LAIR2: variants seen among roughly 807,000 people sequenced by gnomAD.
LAIR2 encodes the protein leukocyte-associated immunoglobulin-like receptor 2.
LAIR2 carries 14 observed loss-of-function variants against 14.8 expected under a neutral mutation model. The observed-to-expected ratio is 0.95, with a 90% CI of 0.62 to 1.48. The LOEUF is 1.48. Ranked by LOEUF, LAIR2 falls within the 40% of genes most tolerant of loss-of-function variation. The pLI, the probability that LAIR2 is intolerant of heterozygous loss-of-function variation, is 0.00. For missense variants in LAIR2, 172 were observed against 180.9 expected, an observed-to-expected ratio of 0.95 and a Z score of 0.28; for synonymous variants, 75 against 74.5, an observed-to-expected ratio of 1.01 and a Z score of -0.03.
Position 54,502,862 on chromosome 19 carries a change from C to T in LAIR2, c.-57C>T. The T allele has an allele frequency of 6.2e-7, 1 of 1,611,540 alleles. No homozygotes were observed. The highest frequency in any genetic ancestry group is 1.7e-5 in the Admixed American group (1 of 60,010). On this transcript the variant is annotated 5_prime_UTR_variant, in exon 1 of 5. Coordinates refer to ENST00000301202, the MANE Select transcript of LAIR2 (RefSeq NM_002288.6). ...TGTGGAAGCCCCACGGGCAGGAGGC[C>T]CCCGGCCAGCACATCCTGTCTGCTT...
At chr19:54,510,295 A>C (rs1226011276) in intron 4 of LAIR2, among the ~76,000 whole-genome samples, 4 of 150,232 alleles carry the variant, frequency 2.7e-5, no homozygotes, top group Admixed American at 2.0e-4. Flanking sequence ...TTCATGGTTC[A>C]AATCCCGGTG....
At chr19:54,506,724 G>A (rs906257001) in intron 2 of LAIR2, among the ~76,000 whole-genome samples, 17 of 152,310 alleles carry the variant, frequency 1.1e-4, no homozygotes, top group Admixed American at 2.6e-4. Flanking sequence ...CATGAAAAGC[G>A]TCTTTAAACA....
intron 3 of LAIR2, 24 bp downstream of exon 3, chr19:54,508,208 C>A (rs367564155): frequency 3.1e-6 from 5 of 1,595,514 alleles, no homozygotes; most frequent in Non-Finnish European, 4.3e-6. Context: ...CTGGGCCCTG[C>A]CCCAGTCTCA....
intron 2 of LAIR2, among the ~76,000 whole-genome samples, chr19:54,507,097 G>A (rs1372328500): frequency 1.3e-5 from 2 of 150,990 alleles, no homozygotes; most frequent in South Asian, 2.1e-4. Context: ...GTGAATTGAA[G>A]CCCTGCCAGC....
Position 54,502,865 on chromosome 19 carries a change from C to A in LAIR2, c.-54C>A. 1.2e-6 allele frequency: 2 copies of A among 1,611,858 alleles called. No homozygotes were observed. The highest frequency in any genetic ancestry group is 1.1e-5 in the South Asian group (1 of 91,026). Reference sequence around the variant, plus strand: ...GGAAGCCCCACGGGCAGGAGGCCCCCGGCCAGCACATCCTGTCTGCTTGTG... The same window carrying A: ...GGAAGCCCCACGGGCAGGAGGCCCCAGGCCAGCACATCCTGTCTGCTTGTG... On this transcript the variant is annotated 5_prime_UTR_variant, in exon 1 of 5. Coordinates refer to ENST00000301202, the MANE Select transcript of LAIR2 (RefSeq NM_002288.6).
At chr19:54,503,615 C>T in intron 1 of LAIR2, 85 bp from the exon 2 acceptor site, 1 of 1,567,784 alleles carries the variant, frequency 6.4e-7, no homozygotes. Flanking sequence ...TGAATGCCCC[C>T]CAGCTCCGTC....
At chr19:54,508,433 G>C (rs1397296513) in intron 3 of LAIR2, among the ~76,000 whole-genome samples, 1 of 152,222 alleles carries the variant, frequency 6.6e-6, no homozygotes, top group Non-Finnish European at 1.5e-5. Context: ...CCCAGCATTG[G>C]GTTGGCTCAG....
intron 2 of LAIR2, among the ~76,000 whole-genome samples, chr19:54,504,166 A>G (rs2085324270): frequency 6.7e-6 from 1 of 149,768 alleles, no homozygotes; most frequent in Non-Finnish European, 1.5e-5. Flanking sequence ...GGGTTTCACC[A>G]TATTGGCCAG....
In LAIR2 at chr19:54,504,168, A is replaced by T. The variant is rs2085324320; in HGVS notation, c.70+433A>T. Among the ~76,000 whole-genome samples the T allele has an allele frequency of 2.0e-5, 3 of 149,096 alleles. No homozygotes were observed. The South Asian group carries it at 6.4e-4, about 32-fold the overall frequency. ...TTTAGAAGAGATGGGGTTTCACCAT[A>T]TTGGCCAGGCTGGTCTCGAACTCCT... is the stretch of plus-strand genomic sequence containing the variant. On this transcript the variant is annotated intron_variant, in intron 2 of 4. Coordinates refer to ENST00000301202, the MANE Select transcript of LAIR2 (RefSeq NM_002288.6).
At chr19:54,509,290 T>C (rs1358774740) in intron 4 of LAIR2, among the ~76,000 whole-genome samples, 3 of 147,894 alleles carry the variant, frequency 2.0e-5, no homozygotes, top group Non-Finnish European at 4.5e-5. Context: ...CCTTGTTCCA[T>C]GCCAGGAACT....
At chr19:54,503,079 C>T in intron 1 of LAIR2, 127 bp downstream of exon 1, 1 of 868,342 alleles carries the variant, frequency 1.2e-6, no homozygotes, top group Non-Finnish European at 1.8e-6. Flanking sequence ...CCAAGACTGC[C>T]CTACTGCTCT....
intron 2 of LAIR2, 120 bp from the exon 3 acceptor site, chr19:54,507,771 G>C: frequency 1.1e-6 from 1 of 937,436 alleles, no homozygotes; most frequent in South Asian, 1.5e-5. Flanking sequence ...TTGGGCTGTG[G>C]TCGTGGCTGC....
At position 54,502,956 on chromosome 19, in the gene LAIR2, A is replaced by T. The variant is rs73070113; in HGVS notation, c.34+4A>T. 0.12 allele frequency: 189,593 copies of T among 1,611,668 alleles called. 12,320 individuals carry two copies. Among genetic ancestry groups the T allele is most frequent in the Non-Finnish European group, 0.13 (158,256 of 1,178,642 alleles). On this transcript the variant is annotated splice_donor_region_variant and intron_variant, in intron 1 of 4. Coordinates refer to ENST00000301202, the MANE Select transcript of LAIR2 (RefSeq NM_002288.6). ...CTCACTGCTCTCCTGGGCCTAGGTGAGTCCTGGAGGGAGCGGGAAGGACTG... is the reference window on the plus strand; with the variant it reads ...CTCACTGCTCTCCTGGGCCTAGGTGTGTCCTGGAGGGAGCGGGAAGGACTG...
At chr19:54,503,778 C>A (rs1204198134) in intron 2 of LAIR2, 43 bp downstream of exon 2, 7 of 1,613,792 alleles carry the variant, frequency 4.3e-6, no homozygotes, top group Admixed American at 1.7e-5. Context: ...CCCTCTGTCA[C>A]CCCAAAGGCA....
At chr19:54,506,749 T>A (rs1178887771) in intron 2 of LAIR2, among the ~76,000 whole-genome samples, 5 of 152,160 alleles carry the variant, frequency 3.3e-5, no homozygotes, top group Admixed American at 6.5e-5. Context: ...GATAAGTAAC[T>A]GAGATATGGT....
chr19:54,502,986 G>T lies in LAIR2; in HGVS notation c.34+34G>T, dbSNP rs189146068. The T allele has an allele frequency of 2.9e-3, 4,666 of 1,598,732 alleles. 12 individuals are homozygous for T. The highest frequency in any genetic ancestry group is 5.2e-3 in the Middle Eastern group (31 of 5,998). On this transcript the variant is annotated intron_variant, in intron 1 of 4. Transcript: ENST00000301202. Reference sequence around the variant, plus strand: ...TGGAGGGAGCGGGAAGGACTGGAAAGGGGGTCGGGAGGTCTGGAAAGTTCC... The same window carrying T: ...TGGAGGGAGCGGGAAGGACTGGAAATGGGGTCGGGAGGTCTGGAAAGTTCC...
chr19:54,508,088 T>G lies in LAIR2; in HGVS notation c.268T>G (p.Ser90Ala). Reference protein sequence around the residue: ...SESEARFHIDSVSEGNAGLYR... With the variant: ...SESEARFHIDAVSEGNAGLYR... ...GTCAGAGGCCAGATTCCACATTGAC[T>G]CAGTAAGTGAAGGAAATGCCGGGCT... Residue 90 changes from serine to alanine, a missense_variant, in exon 3 of 5, where the codon TCA becomes GCA. Transcript: ENST00000301202. 2 of 1,614,152 alleles carry G rather than the reference T, an allele frequency of 1.2e-6. No homozygotes were observed. The highest frequency in any genetic ancestry group is 1.7e-6 in the Non-Finnish European group (2 of 1,179,990).
At chr19:54,506,622 T>C (rs1346831974) in intron 2 of LAIR2, among the ~76,000 whole-genome samples, 2 of 152,328 alleles carry the variant, frequency 1.3e-5, no homozygotes, top group East Asian at 1.9e-4. Context: ...TTTGGACAAT[T>C]CTTCGATCAA....
intron 2 of LAIR2, among the ~76,000 whole-genome samples, chr19:54,505,231 C>T (rs1036521294): frequency 7.2e-5 from 11 of 152,086 alleles, no homozygotes; most frequent in Non-Finnish European, 1.0e-4. Flanking sequence ...AGGCTGAACC[C>T]GGCACTTTTC....
Sources: allele counts gnomAD v4.1 joint callset (sites outside exome capture counted in the v4.1 genomes callset), GRCh38; gene constraint gnomAD v4.1.1; transcripts MANE v1.5; gene names NCBI Gene and HGNC (gene_info 2026-07-23, HGNC 2026-07-21).